The following TMEM145 variants were observed in gnomAD, a reference collection of about 807,000 sequenced individuals.
TMEM145 encodes the protein transmembrane protein 145.
A neutral mutation model predicts 68.5 loss-of-function variants in TMEM145; 46 were observed. That is an observed-to-expected ratio of 0.67 (90% CI 0.53 to 0.86). TMEM145 has a LOEUF of 0.86. Among genes scored for constraint, TMEM145 ranks in the 40% least tolerant of loss-of-function variants. TMEM145 has a pLI of 0.00. For synonymous variants in TMEM145, 255 were observed against 280.2 expected (o/e 0.91, Z 0.90); for missense variants, 570 against 645.8 (o/e 0.88, Z 1.27).
chr19:42,324,301 A>T, intron 14 of TMEM145: 1 of 985,148 alleles, frequency 1.0e-6, no homozygotes, highest in African/African-American at 1.7e-5. Context: ...TGGAGGAGAC[A>T]GCGGTGGCGG....
At position 42,317,827 on chromosome 19, in the gene TMEM145, A is replaced by G. The variant is rs748986676; in HGVS notation, c.1019A>G (p.His340Arg). 3 of 1,614,074 alleles carry G rather than the reference A, an allele frequency of 1.9e-6. No individual in the cohort carries two copies. The highest frequency in any genetic ancestry group is 2.2e-5 in the South Asian group (2 of 91,078). Residue 340 changes from histidine to arginine, a missense_variant, in exon 12 of 15, where the codon CAC (histidine) becomes CGC (arginine). Transcript: ENST00000301204. ...FCYAVLVSLR[H>R]FPEKQPFYVP... The stretch of plus-strand genomic sequence containing the variant: ...TATGCTGTGCTTGTCTCACTGCGAC[A>G]CTTTCCTGAGAAGCAGCCTTTTTAT...
In TMEM145 at chr19:42,314,259, G is replaced by T. The variant is rs2038831541; in HGVS notation, c.121-13G>T. 6.2e-7 allele frequency: 1 copy of T among 1,613,948 alleles called. No homozygotes were observed. On this transcript the variant is annotated splice_polypyrimidine_tract_variant and intron_variant, in intron 1 of 14. Coordinates refer to ENST00000301204, the MANE Select transcript of TMEM145 (RefSeq NM_173633.3). Reference sequence around the variant, plus strand: ...AGGACTCAGCGGAGGGTCAGACTGGGCCCCTTTTTCAGGACTGGGTGTTCC... The same window carrying T: ...AGGACTCAGCGGAGGGTCAGACTGGTCCCCTTTTTCAGGACTGGGTGTTCC...
Position 42,314,997 on chromosome 19 carries a change from A to C in TMEM145, c.425A>C (p.Asp142Ala). 1 of 1,613,778 alleles carries C rather than the reference A, an allele frequency of 6.2e-7. No individual in the cohort carries two copies. Residue 142 changes from aspartate (D) to alanine (A), a missense_variant, in exon 6 of 15, where the codon GAT (aspartate) becomes GCT (alanine). Physicochemically the swap from Asp to Ala is moderately radical, Grantham distance 126. Transcript: ENST00000301204. Reference protein sequence around the residue: ...CSSGRSFRSGDGLQLEYEMVL... With the variant: ...CSSGRSFRSGAGLQLEYEMVL... ...AGGCCTCCCTACCCCCCACAGGGTG[A>C]TGGATTGCAGCTGGAGTATGAGATG... is the stretch of plus-strand genomic sequence containing the variant.
Position 42,314,314 on chromosome 19 carries a change from G to T in TMEM145, c.163G>T (p.Gly55Cys). The T allele has an allele frequency of 6.2e-7, 1 of 1,613,964 alleles. No individual in the cohort carries two copies. The change falls in exon 2 of 15, where the codon GGC becomes TGC. Residue 55 changes from glycine (G) to cysteine (C), a missense_variant. By Grantham distance (159) the Gly-to-Cys change is radical. Transcript: ENST00000301204. The stretch of plus-strand genomic sequence containing the variant: ...AAGATTTTGTTTCCTCTCGGATTAC[G>T]GCCGACTGGACTTCCGTTTCCGCTA... ...LTRFCFLSDYGRLDFRFRYPE... is the reference protein window; with the variant it reads ...LTRFCFLSDYCRLDFRFRYPE...
At chr19:42,315,517 G>A (rs569476499) in intron 8 of TMEM145, 77 bp downstream of exon 8, 29 of 1,479,016 alleles carry the variant, frequency 2.0e-5, no homozygotes, top group Middle Eastern at 2.0e-4. Flanking sequence ...TAAGAGGAAT[G>A]CCTGGGGGCC....
In TMEM145 at chr19:42,314,982, AC is replaced by A. The variant is rs745841829; in HGVS notation, c.421-5del. The A allele has an allele frequency of 1.9e-6, 3 of 1,612,480 alleles. No individual in the cohort carries two copies. The East Asian group carries it at 6.7e-5, about 36-fold the overall frequency. On this transcript the variant is annotated splice_polypyrimidine_tract_variant and intron_variant, in intron 5 of 14. Coordinates refer to ENST00000301204, the MANE Select transcript of TMEM145 (RefSeq NM_173633.3). ...CCCAGGGCCCCCCTTAGGCCTCCCT[AC>A]CCCCCACAGGGTGATGGATTGCAGC...
At chr19:42,322,236 A>G (rs895448469) in intron 13 of TMEM145, among the ~76,000 whole-genome samples, 5 of 152,188 alleles carry the variant, frequency 3.3e-5, no homozygotes, top group Non-Finnish European at 7.3e-5. Flanking sequence ...TCAGAAAGGG[A>G]CAGAAAGAGG....
At chr19:42,323,450 C>G in intron 13 of TMEM145, 133 bp from the exon 14 acceptor site, 5 of 839,958 alleles carry the variant, frequency 6.0e-6, no homozygotes, top group Non-Finnish European at 9.4e-6. Flanking sequence ...GAGGGGACGC[C>G]TAATCCAGTG....
intron 4 of TMEM145, 22 bp downstream of exon 4, chr19:42,314,721 G>A (rs562397060): frequency 6.2e-7 from 1 of 1,614,202 alleles, no homozygotes; most frequent in South Asian, 1.1e-5. Context: ...GCCTGGGGGA[G>A]TGGGCAGGTG....
intron 13 of TMEM145, among the ~76,000 whole-genome samples, chr19:42,322,457 T>C (rs1366111429): frequency 3.9e-5 from 6 of 152,202 alleles, no homozygotes; most frequent in East Asian, 1.9e-4. Flanking sequence ...CCCTTCCTGC[T>C]GTATCTCAGC....
Position 42,315,382 on chromosome 19 carries a change from A to T in TMEM145, c.588A>T (p.Lys196Asn), listed in dbSNP as rs2147413705. 6.2e-7 allele frequency: 1 copy of T among 1,614,144 alleles called. No homozygotes were observed. The highest frequency in any genetic ancestry group is 2.2e-5 in the East Asian group (1 of 44,882). The change falls in exon 8 of 15, where the codon AAA (lysine) becomes AAT (asparagine). Residue 196 changes from lysine to asparagine, a missense_variant. Lys to Asn is a moderately conservative substitution (Grantham distance 94). Coordinates refer to ENST00000301204, the MANE Select transcript of TMEM145 (RefSeq NM_173633.3). ...FLSCYFGYLL[K>N]GRQLLHTTYK... ...TACCTTGCTTCCTAGATTTGCTGAA[A>T]GGTCGTCAGTTGCTCCACACAACTT... is the stretch of plus-strand genomic sequence containing the variant.
In TMEM145 at chr19:42,323,208, G is replaced by C. The variant is rs563226795; in HGVS notation, c.1195-375G>C. The stretch of plus-strand genomic sequence containing the variant: ...GAGCTACTAACCACATGTGGCTGTT[G>C]AGCACTTGAATGTGGGTAGTGCATA... On this transcript the variant is annotated intron_variant, in intron 13 of 14. Transcript: ENST00000301204. Among the ~76,000 whole-genome samples the C allele has an allele frequency of 5.3e-5, 8 of 152,334 alleles. No individual in the cohort carries two copies. The East Asian group carries it at 1.5e-3, about 29-fold the overall frequency.
At chr19:42,321,032 CCT>C in intron 13 of TMEM145, 1 of 399,026 alleles carries the variant, frequency 2.5e-6, no homozygotes, top group Non-Finnish European at 4.4e-6. Flanking sequence ...CATTCCTGAC[CCT>C]GTGTCCCCAG....
At chr19:42,324,571 G>A (rs912025379) in intron 14 of TMEM145, 166 bp from the exon 15 acceptor site, 1 of 985,090 alleles carries the variant, frequency 1.0e-6, no homozygotes, top group Admixed American at 6.1e-5. Flanking sequence ...CCGGGCCCCG[G>A]CCGGGCTCCG....
intron 12 of TMEM145, among the ~76,000 whole-genome samples, chr19:42,318,093 C>T (rs773813775): frequency 3.3e-5 from 5 of 152,176 alleles, no homozygotes; most frequent in Non-Finnish European, 5.9e-5. Context: ...TCTCGCCAGG[C>T]GTGGTGGCTC....
chr19:42,318,756 C>T (rs1183341029), intron 12 of TMEM145, among the ~76,000 whole-genome samples: 1 of 151,540 alleles, frequency 6.6e-6, no homozygotes, highest in East Asian at 1.9e-4. Context: ...ATATGAGGGC[C>T]GAGTGTCTGG....
intron 13 of TMEM145, 137 bp from the exon 14 acceptor site, chr19:42,323,446 A>G (rs775359961): frequency 8.9e-6 from 7 of 783,432 alleles, no homozygotes; most frequent in Non-Finnish European, 1.4e-5. Flanking sequence ...CCCAGAGGGG[A>G]CGCCTAATCC....
At chr19:42,321,384 TG>T (rs1320514871) in intron 13 of TMEM145, 22 of 303,242 alleles carry the variant, frequency 7.3e-5, no homozygotes, top group African/African-American at 4.1e-4. Flanking sequence ...CCCGGTTAAG[TG>T]GTTTTTTTTT....
intron 13 of TMEM145, chr19:42,321,105 C>A (rs1046705574): frequency 8.3e-5 from 33 of 398,908 alleles, no homozygotes; most frequent in African/African-American, 6.8e-4. Context: ...TCTCTCCACT[C>A]TCCCCCTGCC....
Sources: allele counts gnomAD v4.1 joint callset (sites outside exome capture counted in the v4.1 genomes callset), GRCh38; gene constraint gnomAD v4.1.1; transcripts MANE v1.5; gene names NCBI Gene and HGNC (gene_info 2026-07-23, HGNC 2026-07-21).